CCDC73: variants seen among roughly 807,000 people sequenced by gnomAD.
CCDC73 encodes coiled-coil domain-containing protein 73.
A neutral mutation model predicts 116.5 loss-of-function variants in CCDC73; 95 were observed. The ratio of observed to expected loss-of-function variants is 0.82; its 90% confidence interval spans 0.69 to 0.97. The LOEUF (loss-of-function observed/expected upper bound fraction) is 0.97, where lower values mean the gene tolerates loss of function less well. Ranked by LOEUF, CCDC73 falls within the 50% of genes least tolerant of loss-of-function variation. The pLI is 0.00. For missense variants in CCDC73, 1,066 were observed against 1,206.8 expected, an observed-to-expected ratio of 0.88 and a Z score of 1.73; for synonymous variants, 398 against 401.3, an observed-to-expected ratio of 0.99 and a Z score of 0.10.
At chr11:32,744,331 C>T (rs538289979) in intron 2 of CCDC73, among the ~76,000 whole-genome samples, 2 of 152,218 alleles carry the variant, frequency 1.3e-5, no homozygotes, top group Admixed American at 1.3e-4. Flanking sequence ...TGAGGATTTT[C>T]GCACTGATGT....
At chr11:32,780,154 A>ATT (rs1850570680) in intron 1 of CCDC73, among the ~76,000 whole-genome samples, 1 of 152,024 alleles carries the variant, frequency 6.6e-6, no homozygotes, top group African/African-American at 2.4e-5. Context: ...CATGCCTGTA[A>ATT]TCTCAGCTAC....
chr11:32,649,092 TA>T (rs555707822), intron 12 of CCDC73, among the ~76,000 whole-genome samples: 46 of 152,280 alleles, frequency 3.0e-4, no homozygotes, highest in African/African-American at 1.1e-3. Context: ...CATAAATATG[TA>T]GTTATGTGTT....
At chr11:32,753,816 T>C (rs1462281630) in intron 2 of CCDC73, among the ~76,000 whole-genome samples, 2 of 152,094 alleles carry the variant, frequency 1.3e-5, no homozygotes, top group Non-Finnish European at 2.9e-5. Flanking sequence ...CACATCATGT[T>C]GCCCAGGTTG....
At chr11:32,613,039 A>G (rs1855435963) in intron 16 of CCDC73, among the ~76,000 whole-genome samples, 1 of 152,214 alleles carries the variant, frequency 6.6e-6, no homozygotes. Flanking sequence ...ATGCCTCATT[A>G]TTACTTATAA....
At chr11:32,752,430 G>C (rs1850294641) in intron 2 of CCDC73, among the ~76,000 whole-genome samples, 1 of 152,066 alleles carries the variant, frequency 6.6e-6, no homozygotes, top group African/African-American at 2.4e-5. Context: ...AATATAAACT[G>C]TTCAGACTTA....
At chr11:32,709,786 C>G (rs899836824) in intron 3 of CCDC73, among the ~76,000 whole-genome samples, 1 of 152,108 alleles carries the variant, frequency 6.6e-6, no homozygotes, top group African/African-American at 2.4e-5. Flanking sequence ...GGATTGGTAC[C>G]AATACTTTGA....
At chr11:32,738,304 A>C (rs1008191678) in intron 2 of CCDC73, among the ~76,000 whole-genome samples, 1 of 152,112 alleles carries the variant, frequency 6.6e-6, no homozygotes, top group East Asian at 1.9e-4. Context: ...GGTTATACTA[A>C]TTTACATTTC....
intron 14 of CCDC73, among the ~76,000 whole-genome samples, chr11:32,631,402 C>T (rs1855628903): frequency 1.3e-5 from 2 of 152,070 alleles, no homozygotes; most frequent in South Asian, 2.1e-4. Context: ...CTGACCAAAA[C>T]CAAATTAAAT....
chr11:32,640,796 T>G (rs891846200), intron 13 of CCDC73, among the ~76,000 whole-genome samples: 1 of 152,134 alleles, frequency 6.6e-6, no homozygotes, highest in Admixed American at 6.5e-5. Flanking sequence ...GGCAGGCGGA[T>G]CGCAAGGTCA....
intron 7 of CCDC73, 139 bp from the exon 8 acceptor site, chr11:32,676,160 T>C: frequency 3.6e-6 from 2 of 556,852 alleles, no homozygotes; most frequent in Non-Finnish European, 5.6e-6. Flanking sequence ...AAGTACTCTC[T>C]GAGTAAACTG....
At chr11:32,618,375 T>C (rs916154933) in intron 14 of CCDC73, among the ~76,000 whole-genome samples, 1 of 152,142 alleles carries the variant, frequency 6.6e-6, no homozygotes, top group Non-Finnish European at 1.5e-5. Context: ...AGCGATTTAT[T>C]TTCTTTTGGC....
the CCDC73 span, among the ~76,000 whole-genome samples, chr11:32,808,751 A>G: frequency 6.6e-6 from 1 of 152,246 alleles, no homozygotes; most frequent in Non-Finnish European, 1.5e-5. Context: ...AGTTTATCTA[A>G]GAAACAAACT....
chr11:32,746,547 T>C (rs1301880284), intron 2 of CCDC73, among the ~76,000 whole-genome samples: 1 of 152,228 alleles, frequency 6.6e-6, no homozygotes, highest in Non-Finnish European at 1.5e-5. Context: ...ATTCTTCCTG[T>C]CACTTTCAGG....
chr11:32,737,318 A>C (rs557263889), intron 2 of CCDC73, among the ~76,000 whole-genome samples: 1 of 151,436 alleles, frequency 6.6e-6, no homozygotes, highest in East Asian at 1.9e-4. Context: ...CATACATTAC[A>C]TAAAAGTCAC....
rs1855844124 is a variant in CCDC73, at chr11:32,653,379, ATCTAAAATT to A, written c.835-161_835-153del. ...TTAAACTAATGGCACATCTAATGGT[ATCTAAAATT>A]TCTATTACATTATTTCCAAGAGTCC... On this transcript the variant is annotated intron_variant, in intron 11 of 17. Transcript: ENST00000335185. The A allele has an allele frequency of 6.3e-6, 3 of 475,370 alleles. No homozygotes were observed. In the Admixed American group the frequency reaches 1.2e-4, roughly 19 times the overall value. The allele number at this position is 475,370 out of a possible 1,614,324, so 29.4% of individuals were successfully genotyped here.
intron 2 of CCDC73, among the ~76,000 whole-genome samples, chr11:32,735,745 C>A (rs1378881196): frequency 1.3e-5 from 2 of 152,198 alleles, no homozygotes; most frequent in Admixed American, 1.3e-4. Flanking sequence ...CATCACGCTA[C>A]CTGACTTCAA....
chr11:32,637,150 G>C (rs1302814942), intron 13 of CCDC73, among the ~76,000 whole-genome samples: 2 of 150,162 alleles, frequency 1.3e-5, no homozygotes, highest in African/African-American at 4.9e-5. Context: ...CTCCCGAACA[G>C]CTGGGCTTAC....
intron 11 of CCDC73, among the ~76,000 whole-genome samples, chr11:32,653,774 T>C (rs1255253863): frequency 6.6e-6 from 1 of 152,192 alleles, no homozygotes; most frequent in African/African-American, 2.4e-5. Flanking sequence ...TGTTAGGGTA[T>C]CACTGGTCTA....
intron 2 of CCDC73, among the ~76,000 whole-genome samples, chr11:32,728,383 G>A (rs1321071): frequency 2.0e-5 from 3 of 151,800 alleles, no homozygotes; most frequent in African/African-American, 7.3e-5. Context: ...AGTTTTAACC[G>A]TGGGAGCTCT....
Sources: gnomAD v4.1 joint callset for allele counts (sites outside exome capture counted in the v4.1 genomes callset) on GRCh38, gnomAD v4.1.1 for gene constraint, MANE v1.5 for transcripts, NCBI Gene and HGNC (gene_info 2026-07-23, HGNC 2026-07-21) for gene names.